Variants in TIAM2 observed in about 807,000 individuals in gnomAD.
TIAM2 encodes the protein TIAM Rac1 associated GEF 2.
TIAM2 carries 80 observed loss-of-function variants against 152.9 expected under a neutral mutation model. That is an observed-to-expected ratio of 0.52 (90% confidence interval 0.44 to 0.63). The LOEUF (loss-of-function observed/expected upper bound fraction) is 0.63. TIAM2 is among the 30% of genes least tolerant of loss of function. TIAM2 has a pLI of 0.00. For synonymous variants in TIAM2, 804 were observed against 838.0 expected (o/e 0.96, Z 0.70); for missense variants, 1,965 against 2,120.1 (o/e 0.93, Z 1.44).
intron 15 of TIAM2, among the ~76,000 whole-genome samples, chr6:155,239,269 G>A (rs1040211146): frequency 1.3e-5 from 2 of 152,200 alleles, no homozygotes; most frequent in African/African-American, 2.4e-5. Context: ...GGCTGTTAAT[G>A]GATGCCAGTC....
chr6:155,154,138 C>A (rs1490364481), intron 7 of TIAM2, among the ~76,000 whole-genome samples: 4 of 152,202 alleles, frequency 2.6e-5, no homozygotes. Flanking sequence ...TTAAAAATAT[C>A]TGTAAAAGAG....
intron 4 of TIAM2, among the ~76,000 whole-genome samples, chr6:155,130,963 T>C (rs1416260416): frequency 6.7e-6 from 1 of 150,222 alleles, no homozygotes; most frequent in Non-Finnish European, 1.5e-5. Flanking sequence ...AGTTAAGGCC[T>C]CAACATGGAT....
chr6:155,101,860 C>CCTGG (rs1778556792), intron 2 of TIAM2, among the ~76,000 whole-genome samples: 1 of 152,074 alleles, frequency 6.6e-6, no homozygotes, highest in African/African-American at 2.4e-5. Flanking sequence ...CACTGCCACG[C>CCTGG]CTGGCTATTT....
chr6:155,080,265 C>T (rs1778034539), intron 1 of TIAM2, among the ~76,000 whole-genome samples: 1 of 149,396 alleles, frequency 6.7e-6, no homozygotes. Flanking sequence ...GGGCTGGTGC[C>T]TCTTTATCTC....
At chr6:155,051,901 A>C (rs1472423896) in intron 1 of TIAM2, among the ~76,000 whole-genome samples, 1 of 152,042 alleles carries the variant, frequency 6.6e-6, no homozygotes, top group African/African-American at 2.4e-5. Flanking sequence ...AGGCCTCCCA[A>C]AGTGCTGGGA....
At chr6:155,204,100 A>G (rs1334174151) in intron 14 of TIAM2, among the ~76,000 whole-genome samples, 1 of 152,176 alleles carries the variant, frequency 6.6e-6, no homozygotes, top group Non-Finnish European at 1.5e-5. Context: ...CATACATTGC[A>G]CATTGTTCGA....
At chr6:155,014,562 T>C (rs58297387) in intron 1 of TIAM2, among the ~76,000 whole-genome samples, 1 of 152,212 alleles carries the variant, frequency 6.6e-6, no homozygotes, top group Non-Finnish European at 1.5e-5. Context: ...GATTCTTTGC[T>C]GTTTGTATCA....
intron 10 of TIAM2, 49 bp from the exon 11 acceptor site, chr6:155,178,990 G>A: frequency 1.4e-6 from 2 of 1,397,492 alleles, no homozygotes; most frequent in African/African-American, 1.4e-5. Context: ...ACCAATGATG[G>A]ATTTAGAAAG....
chr6:155,139,355 G>C (rs1414944710), intron 5 of TIAM2, among the ~76,000 whole-genome samples: 1 of 152,180 alleles, frequency 6.6e-6, no homozygotes, highest in African/African-American at 2.4e-5. Flanking sequence ...AGGCCGGCGG[G>C]TGTACAAAGC....
intron 7 of TIAM2, among the ~76,000 whole-genome samples, chr6:155,160,159 A>G (rs1019378245): frequency 6.6e-6 from 1 of 152,224 alleles, no homozygotes; most frequent in Non-Finnish European, 1.5e-5. Context: ...GTCTGAGTCT[A>G]AGGCATGAGA....
chr6:155,191,520 G>A (rs775818001), intron 14 of TIAM2, among the ~76,000 whole-genome samples: 4 of 152,074 alleles, frequency 2.6e-5, no homozygotes, highest in East Asian at 1.9e-4. Flanking sequence ...GGCTGGGCGC[G>A]GTGGCTCATG....
At chr6:155,118,587 C>A (rs1332505394) in intron 2 of TIAM2, among the ~76,000 whole-genome samples, 3 of 151,894 alleles carry the variant, frequency 2.0e-5, no homozygotes, top group African/African-American at 7.3e-5. Flanking sequence ...CGCCCGCCAC[C>A]ACACCCAGCT....
rs1554228971 is a variant in TIAM2, at chr6:155,083,367, A to AG, written c.-208-6922_-208-6921insG. On this transcript the variant is annotated intron_variant, in intron 1 of 26. Coordinates refer to ENST00000682666, the MANE Select transcript of TIAM2 (RefSeq NM_012454.4). The stretch of plus-strand genomic sequence containing the variant: ...TTATCTCAAAAAAAAAAAAAAAAAA[A>AG]AGAGAGAGAGAGAGAGAGATGGGCA... Among the ~76,000 whole-genome samples the AG allele has an allele frequency of 1.0e-3, 122 of 119,246 alleles. 1 individual carries two copies. The highest frequency in any genetic ancestry group is 2.9e-3 in the African/African-American group (100 of 34,972). The allele number at this position is 119,246 out of a possible 152,430, so 78.2% of individuals were successfully genotyped here. A position where few individuals can be genotyped will look rare whatever the true frequency, so the allele number is the denominator to read the frequency against.
At chr6:155,235,219 C>T (rs1465124794) in intron 15 of TIAM2, among the ~76,000 whole-genome samples, 2 of 152,186 alleles carry the variant, frequency 1.3e-5, no homozygotes, top group African/African-American at 4.8e-5. Flanking sequence ...AGCAGCTGCT[C>T]GGCAAACACG....
chr6:155,150,911 A>C (rs1779942078), intron 7 of TIAM2, among the ~76,000 whole-genome samples: 1 of 152,198 alleles, frequency 6.6e-6, no homozygotes, highest in Non-Finnish European at 1.5e-5. Context: ...CCGTAACTTA[A>C]TGCTTGAATC....
Position 155,144,796 on chromosome 6 carries a change from T to G in TIAM2, c.1803+18T>G, listed in dbSNP as rs1380268486. The G allele has an allele frequency of 2.5e-6, 4 of 1,596,230 alleles. No individual in the cohort carries two copies. The African/African-American group carries it at 5.4e-5, about 22-fold the overall frequency. ...TTTTCCAGGTACTGCTGGTACTTTG[T>G]AAGTGGAGGTAATAGCTTATGTACT... is the stretch of plus-strand genomic sequence containing the variant. On this transcript the variant is annotated intron_variant, in intron 6 of 26. Transcript: ENST00000682666.
At chr6:155,095,363 A>G (rs1778396652) in intron 2 of TIAM2, among the ~76,000 whole-genome samples, 1 of 152,230 alleles carries the variant, frequency 6.6e-6, no homozygotes, top group African/African-American at 2.4e-5. Context: ...CATTGTGAAG[A>G]ACTTGGCTGG....
chr6:155,178,706 C>A (rs1780818871), intron 10 of TIAM2, among the ~76,000 whole-genome samples: 2 of 152,002 alleles, frequency 1.3e-5, no homozygotes, highest in South Asian at 2.1e-4. Context: ...TCCCGAGTAG[C>A]TAGTATTATA....
intron 1 of TIAM2, chr6:155,005,083 A>G: frequency 2.8e-6 from 1 of 353,300 alleles, no homozygotes; most frequent in Admixed American, 3.5e-5. Flanking sequence ...GAAGGCTTGG[A>G]GGATGGTAAT....
Sources: allele counts gnomAD v4.1 joint callset (sites outside exome capture counted in the v4.1 genomes callset), GRCh38; gene constraint gnomAD v4.1.1; transcripts MANE v1.5; gene names NCBI Gene and HGNC (gene_info 2026-07-23, HGNC 2026-07-21).